The following IGFL4 variants were observed in gnomAD, a reference collection of about 807,000 sequenced individuals.
IGFL4 encodes the protein insulin growth factor-like family member 4.
IGFL4 carries 12 observed loss-of-function variants against 15.4 expected under a neutral mutation model. The ratio of observed to expected loss-of-function variants is 0.78; its 90% CI spans 0.50 to 1.26. The LOEUF is 1.26. Ranked by LOEUF, IGFL4 falls within the 50% of genes most tolerant of loss-of-function variation. IGFL4 has a pLI of 0.00. For missense variants in IGFL4, 126 were observed against 147.8 expected (o/e 0.85, Z 0.76); for synonymous variants, 54 against 55.9 (o/e 0.97, Z 0.16).
At position 46,039,698 on chromosome 19, in the gene IGFL4, G is replaced by A. The variant is rs920739916; in HGVS notation, c.*194C>T. ...TCATGATTTGGCTCTCTGTTTGTCT[G>A]TTGTTGGTGTATAAGAATGCTTGTG... On this transcript the variant is annotated 3_prime_UTR_variant, in exon 4 of 4. Coordinates refer to ENST00000377697, the MANE Select transcript of IGFL4 (RefSeq NM_001002923.3). 6.0e-6 allele frequency: 3 copies of A among 502,150 alleles called. No homozygotes were observed. The highest frequency in any genetic ancestry group is 1.1e-5 in the Non-Finnish European group (3 of 269,518). 31.1% of individuals were successfully genotyped at this position (502,150 alleles called of 1,614,324 possible).
At chr19:46,069,384 C>T (rs1246863640) in intron 1 of IGFL4, among the ~76,000 whole-genome samples, 2 of 152,116 alleles carry the variant, frequency 1.3e-5, no homozygotes, top group Non-Finnish European at 2.9e-5. Context: ...CAAATGTATT[C>T]TAATGAAAAT....
chr19:46,064,868 C>T (rs1029739677), intron 1 of IGFL4, among the ~76,000 whole-genome samples: 3 of 152,130 alleles, frequency 2.0e-5, no homozygotes, highest in African/African-American at 4.8e-5. Flanking sequence ...ATCTTCAAAC[C>T]GTTTTCCACA....
At chr19:46,050,272 C>T (rs747364410) in intron 2 of IGFL4, among the ~76,000 whole-genome samples, 2 of 152,112 alleles carry the variant, frequency 1.3e-5, no homozygotes, top group Non-Finnish European at 2.9e-5. Context: ...TTTAACACCC[C>T]CGAAAGATCA....
intron 2 of IGFL4, among the ~76,000 whole-genome samples, chr19:46,055,891 C>T (rs1236621311): frequency 6.6e-6 from 1 of 152,170 alleles, no homozygotes; most frequent in African/African-American, 2.4e-5. Flanking sequence ...ATTCTCCCGC[C>T]TCAGCCTCCC....
chr19:46,066,002 AG>A (rs1328533841), intron 1 of IGFL4, among the ~76,000 whole-genome samples: 3 of 152,204 alleles, frequency 2.0e-5, no homozygotes, highest in Non-Finnish European at 2.9e-5. Context: ...ATCCCATCAA[AG>A]TAGCCCCTGA....
Position 46,040,301 on chromosome 19 carries a change from G to A in IGFL4, c.186C>T (p.Cys62=), listed in dbSNP as rs765780114. 9.3e-6 allele frequency: 15 copies of A among 1,614,020 alleles called. No individual in the cohort carries two copies. The highest frequency in any genetic ancestry group is 8.0e-5 in the African/African-American group (6 of 74,922). The change falls in exon 3 of 4, where the codon TGC becomes TGT. Residue 62 remains cysteine, a synonymous_variant. Coordinates refer to ENST00000377697, the MANE Select transcript of IGFL4 (RefSeq NM_001002923.3). This position sits in a 1 kb window ranked among gnomAD's most constrained non-coding sequence, Gnocchi z 4.1. ...VILDLNQTRL[C]GSSCTFWPCF... is the part of the protein sequence containing the mutation. ...AGGGCCAGAAGGTGCAGCTGGAGCC[G>A]CAGAGCCGGGTCTGGTTCAAGTCTA... is the stretch of plus-strand genomic sequence containing the variant.
chr19:46,064,752 C>G (rs1289090560), intron 1 of IGFL4, among the ~76,000 whole-genome samples: 1 of 152,186 alleles, frequency 6.6e-6, no homozygotes, highest in Non-Finnish European at 1.5e-5. Flanking sequence ...AGTGCTACAA[C>G]AAATATGGAA....
chr19:46,045,422 GACAAGAGTGAAACTC>G (rs1487672088), upstream of IGFL4, among the ~76,000 whole-genome samples: 15 of 141,608 alleles, frequency 1.1e-4, no homozygotes, highest in Admixed American at 7.2e-4. Flanking sequence ...CAGCCTGGGT[GACAAGAGTGAAACTC>G]TGTCTCAAAA....
upstream of IGFL4, among the ~76,000 whole-genome samples, chr19:46,045,588 C>T (rs941786272): frequency 6.6e-6 from 1 of 151,726 alleles, no homozygotes; most frequent in Non-Finnish European, 1.5e-5. Context: ...CATAACTGAC[C>T]CAATGGAACT....
chr19:46,042,023 T>C (rs956864867), upstream of IGFL4, among the ~76,000 whole-genome samples: 1 of 151,884 alleles, frequency 6.6e-6, no homozygotes, highest in African/African-American at 2.4e-5. Flanking sequence ...GTATTTTTCA[T>C]AGAGTTAGGG....
intron 1 of IGFL4, among the ~76,000 whole-genome samples, chr19:46,063,361 AC>A (rs1969464438): frequency 2.0e-5 from 3 of 151,774 alleles, no homozygotes; most frequent in Non-Finnish European, 2.9e-5. Context: ...ACACACACAC[AC>A]ACACATACAC....
chr19:46,052,534 C>T (rs1969354735), intron 2 of IGFL4, among the ~76,000 whole-genome samples: 1 of 152,050 alleles, frequency 6.6e-6, no homozygotes, highest in African/African-American at 2.4e-5. Context: ...TGAGCCTGGC[C>T]AACATGGTGA....
chr19:46,056,777 A>G (rs112387793), intron 2 of IGFL4, among the ~76,000 whole-genome samples: 1 of 152,216 alleles, frequency 6.6e-6, no homozygotes, highest in Admixed American at 6.5e-5. Context: ...CAGCCACAGA[A>G]GACAGAAATG....
At chr19:46,056,356 G>A (rs972850617) in intron 2 of IGFL4, among the ~76,000 whole-genome samples, 2 of 152,142 alleles carry the variant, frequency 1.3e-5, no homozygotes, top group Admixed American at 1.3e-4. Context: ...GATCATTGCC[G>A]AAAGTTCCAT....
Position 46,040,527 on chromosome 19 carries a change from CTTCT to C in IGFL4, c.57_60del (p.Gly21SerfsTer33), listed in dbSNP as rs1415065611. The C allele has an allele frequency of 1.9e-6, 3 of 1,614,136 alleles. No homozygotes were observed. In the South Asian group the frequency reaches 3.3e-5, roughly 18 times the overall value. ...CTGCATCTGTTCTCACCTGTGACTC[CTTCT>C]GAGTTTGAACCCAAAAGTTCAAAAA... On this transcript the variant is annotated frameshift_variant, in exon 2 of 4. Coordinates refer to ENST00000377697, the MANE Select transcript of IGFL4 (RefSeq NM_001002923.3). LOFTEE classifies it high-confidence loss of function. This position sits in a 1 kb window ranked among gnomAD's most constrained non-coding sequence, Gnocchi z 4.1.
chr19:46,064,855 G>T (rs1480824637), intron 1 of IGFL4, among the ~76,000 whole-genome samples: 1 of 152,064 alleles, frequency 6.6e-6, no homozygotes, highest in Non-Finnish European at 1.5e-5. Flanking sequence ...AGTTTTTTGA[G>T]GAATCTTCAA....
intron 1 of IGFL4, among the ~76,000 whole-genome samples, chr19:46,072,105 A>C (rs959055830): frequency 6.6e-6 from 1 of 152,238 alleles, no homozygotes; most frequent in African/African-American, 2.4e-5. Context: ...TTTTCCTGCT[A>C]TTGACAACAG....
intron 2 of IGFL4, among the ~76,000 whole-genome samples, chr19:46,049,334 G>A (rs1969324708): frequency 6.6e-6 from 1 of 152,226 alleles, no homozygotes; most frequent in South Asian, 2.1e-4. Flanking sequence ...CTGTGAGTTT[G>A]CTTGCTTTCT....
At chr19:46,042,220 G>A (rs1472952749), upstream of IGFL4, among the ~76,000 whole-genome samples, 1 of 152,084 alleles carries the variant, frequency 6.6e-6, no homozygotes, top group East Asian at 1.9e-4. Flanking sequence ...GCCTATTTCT[G>A]CAGTTGCGTA....
Sources: gnomAD v4.1 joint callset for allele counts (sites outside exome capture counted in the v4.1 genomes callset) on GRCh38, gnomAD v4.1.1 for gene constraint, Gnocchi (gnomAD v3.1) non-coding constraint, MANE v1.5 for transcripts, NCBI Gene and HGNC (gene_info 2026-07-23, HGNC 2026-07-21) for gene names.